RAD21: variants seen among roughly 807,000 people sequenced by gnomAD.
RAD21 encodes the protein double-strand-break repair protein rad21 homolog.
RAD21 carries 18 observed loss-of-function variants against 71.5 expected under a neutral mutation model. That is an observed-to-expected ratio of 0.25 (90% CI 0.17 to 0.37). RAD21 has a LOEUF of 0.37. RAD21 is among the 10% of genes least tolerant of loss of function. The probability of loss-of-function intolerance (pLI) is 1.00; values close to 1 mark genes in which losing one functional copy is unlikely to be tolerated. For synonymous variants in RAD21, 248 were observed against 254.0 expected, an observed-to-expected ratio of 0.98 and a Z score of 0.22; for missense variants, 493 against 769.1, an observed-to-expected ratio of 0.64 and a Z score of 4.25.
chr8:116,865,683 CA>C (rs1380654832), intron 2 of RAD21, among the ~76,000 whole-genome samples: 1 of 152,088 alleles, frequency 6.6e-6, no homozygotes, highest in Non-Finnish European at 1.5e-5. Context: ...GTAATCCTAC[CA>C]TCTACAGAAA....
chr8:116,856,619 C>T, intron 7 of RAD21, 27 bp downstream of exon 7: 1 of 1,561,020 alleles, frequency 6.4e-7, no homozygotes, highest in Non-Finnish European at 8.7e-7. Context: ...CAATCATCCC[C>T]AGAATCACTG....
intron 4 of RAD21, among the ~76,000 whole-genome samples, chr8:116,860,995 T>C (rs1812580974): frequency 6.6e-6 from 1 of 152,172 alleles, no homozygotes; most frequent in African/African-American, 2.4e-5. Flanking sequence ...ACATATAAGG[T>C]TCATAATCCT....
At chr8:116,873,486 G>A (rs2130497951) in intron 1 of RAD21, among the ~76,000 whole-genome samples, 1 of 152,176 alleles carries the variant, frequency 6.6e-6, no homozygotes, top group Admixed American at 6.5e-5. Flanking sequence ...ACTGCCCGCT[G>A]GCATTTACAC....
At chr8:116,857,063 C>T (rs1331071369) in intron 6 of RAD21, among the ~76,000 whole-genome samples, 1 of 152,094 alleles carries the variant, frequency 6.6e-6, no homozygotes, top group Non-Finnish European at 1.5e-5. Context: ...TAAAATTTAG[C>T]ATTCTGAGAT....
chr8:116,865,826 C>G (rs141137146), intron 2 of RAD21, among the ~76,000 whole-genome samples: 1 of 152,050 alleles, frequency 6.6e-6, no homozygotes, highest in Non-Finnish European at 1.5e-5. Flanking sequence ...GCAAAACTTA[C>G]GAAAAGGCAC....
intron 1 of RAD21, among the ~76,000 whole-genome samples, chr8:116,873,931 C>A (rs1812901829): frequency 6.6e-6 from 1 of 152,202 alleles, no homozygotes; most frequent in Non-Finnish European, 1.5e-5. Context: ...TGCAAATATC[C>A]TTGGAAAAAG....
At chr8:116,860,012 T>G (rs1327776375) in intron 4 of RAD21, among the ~76,000 whole-genome samples, 1 of 152,104 alleles carries the variant, frequency 6.6e-6, no homozygotes, top group Non-Finnish European at 1.5e-5. Flanking sequence ...AGACAGAAAG[T>G]TTGGAAGAAA....
chr8:116,852,325 A>T, intron 10 of RAD21: 1 of 637,656 alleles, frequency 1.6e-6, no homozygotes, highest in South Asian at 2.7e-5. Flanking sequence ...AATGTAGGAC[A>T]ATTCTTTAGC....
chr8:116,846,405 T>G lies in RAD21; in HGVS notation c.*1095A>C, dbSNP rs1812253778. 4.4e-6 allele frequency: 1 copy of G among 228,818 alleles called. No individual in the cohort carries two copies. The highest frequency in any genetic ancestry group is 6.3e-5 in the East Asian group (1 of 15,800). 14.2% of individuals were successfully genotyped at this position (228,818 alleles called of 1,614,324 possible). Reference sequence around the variant, plus strand: ...ATAACAGTCACATGATTTCTGATGCTATCTGGTCTGTTAATAATAAAGTCT... The same window carrying G: ...ATAACAGTCACATGATTTCTGATGCGATCTGGTCTGTTAATAATAAAGTCT... On this transcript the variant is annotated 3_prime_UTR_variant, in exon 14 of 14. Coordinates refer to ENST00000297338, the MANE Select transcript of RAD21 (RefSeq NM_006265.3).
At chr8:116,856,430 T>C (rs544569453) in intron 7 of RAD21, 142 bp from the exon 8 acceptor site, 343 of 1,295,400 alleles carry the variant, frequency 2.6e-4, no homozygotes, top group Non-Finnish European at 3.1e-4. Flanking sequence ...TTCTAGTTAA[T>C]GGGAAAGCCC....
chr8:116,855,853 G>A (rs1046526729), intron 8 of RAD21, among the ~76,000 whole-genome samples: 7 of 152,136 alleles, frequency 4.6e-5, no homozygotes, highest in African/African-American at 1.7e-4. Flanking sequence ...GGAACCCCAG[G>A]AGACTAAGAT....
At chr8:116,857,121 G>T in intron 6 of RAD21, 146 bp downstream of exon 6, 1 of 664,568 alleles carries the variant, frequency 1.5e-6, no homozygotes, top group Non-Finnish European at 2.5e-6. Flanking sequence ...TAGTTTTACC[G>T]AAATGTCCTA....
intron 9 of RAD21, among the ~76,000 whole-genome samples, chr8:116,853,063 C>T (rs1419155340): frequency 6.6e-6 from 1 of 152,080 alleles, no homozygotes; most frequent in East Asian, 1.9e-4. Flanking sequence ...CATATGGTAA[C>T]CTTATTAGCT....
rs1812256895 is a variant in RAD21, at chr8:116,846,617, C to G, written c.*883G>C. The G allele has an allele frequency of 4.4e-6, 1 of 227,840 alleles. No individual in the cohort carries two copies. The highest frequency in any genetic ancestry group is 2.2e-5 in the African/African-American group (1 of 45,014). 14.1% of individuals were successfully genotyped at this position (227,840 alleles called of 1,614,324 possible). A position where few individuals can be genotyped will look rare whatever the true frequency, so the allele number is the denominator to read the frequency against. Reference sequence around the variant, plus strand: ...TCGTCTGCTTAAAAGCTAAGTTGACCAGGTGCATAATTTCCCATCAGTCTG... The same window carrying G: ...TCGTCTGCTTAAAAGCTAAGTTGACGAGGTGCATAATTTCCCATCAGTCTG... On this transcript the variant is annotated 3_prime_UTR_variant, in exon 14 of 14. Transcript: ENST00000297338.
intron 1 of RAD21, 75 bp from the exon 2 acceptor site, chr8:116,866,836 A>G (rs1586276142): frequency 9.5e-7 from 1 of 1,052,634 alleles, no homozygotes; most frequent in East Asian, 3.0e-5. Context: ...AGAAATTTAA[A>G]ATTTTTCTTC....
chr8:116,852,768 C>T (rs1563688851), intron 9 of RAD21, 60 bp from the exon 10 acceptor site: 4 of 1,219,690 alleles, frequency 3.3e-6, no homozygotes, highest in Non-Finnish European at 4.3e-6. Flanking sequence ...TAAAAAGTCA[C>T]CACTGATTTC....
rs1188956830 is a variant in RAD21, at chr8:116,874,647, C to T, written c.-69G>A. 14 of 290,746 alleles carry T rather than the reference C, an allele frequency of 4.8e-5. No homozygotes were observed. The highest frequency in any genetic ancestry group is 2.7e-4 in the South Asian group (13 of 48,328). 18.0% of individuals were successfully genotyped at this position (290,746 alleles called of 1,614,324 possible). ...CTGGGAGTTGGGCGGGCTGGGTGGC[C>T]CGGGGAGGGGAAAAGGGTCGGGGGA... On this transcript the variant is annotated 5_prime_UTR_variant, in exon 1 of 14. Coordinates refer to ENST00000297338, the MANE Select transcript of RAD21 (RefSeq NM_006265.3).
Position 116,847,459 on chromosome 8 carries a change from G to C in RAD21, c.*41C>G. ...CCCTACACATGGGGGCAATTTGTAA[G>C]CACTAGTGAATCAAACACTAGCTAT... On this transcript the variant is annotated 3_prime_UTR_variant, in exon 14 of 14. Transcript: ENST00000297338. 6.6e-7 allele frequency: 1 copy of C among 1,524,184 alleles called. No homozygotes were observed. The highest frequency in any genetic ancestry group is 1.4e-5 in the African/African-American group (1 of 71,838). 94.4% of individuals were successfully genotyped at this position (1,524,184 alleles called of 1,614,324 possible). A position where few individuals can be genotyped will look rare whatever the true frequency, so the allele number is the denominator to read the frequency against.
chr8:116,854,556 T>G (rs917737700), intron 8 of RAD21, 88 bp from the exon 9 acceptor site: 1 of 984,460 alleles, frequency 1.0e-6, no homozygotes, highest in African/African-American at 1.6e-5. Context: ...TATATTCCCC[T>G]GCTTTTCTAC....
Sources: allele counts gnomAD v4.1 joint callset (sites outside exome capture counted in the v4.1 genomes callset), GRCh38; gene constraint gnomAD v4.1.1; transcripts MANE v1.5; gene names NCBI Gene and HGNC (gene_info 2026-07-23, HGNC 2026-07-21).